RGL1: variants seen among roughly 807,000 people sequenced by gnomAD.
The protein encoded by RGL1 is ral guanine nucleotide dissociation stimulator like 1.
RGL1 carries 24 observed loss-of-function variants against 95.2 expected under a neutral mutation model. That is an observed-to-expected ratio of 0.25 (90% confidence interval 0.18 to 0.35). RGL1 has a LOEUF of 0.35. RGL1 is among the 10% of genes least tolerant of loss of function. The pLI, the probability that RGL1 is intolerant of heterozygous loss-of-function variation, is 1.00. For missense variants in RGL1, 715 were observed against 936.3 expected (o/e 0.76, Z 3.08); for synonymous variants, 329 against 344.9 (o/e 0.95, Z 0.51).
chr1:183,765,461 A>C (rs1168633923), intron 2 of RGL1, among the ~76,000 whole-genome samples: 1 of 152,238 alleles, frequency 6.6e-6, no homozygotes, highest in Non-Finnish European at 1.5e-5. Flanking sequence ...AAAGAAAAAA[A>C]TTCTGAAGAC....
chr1:183,864,750 G>A (rs1449825216), intron 3 of RGL1, among the ~76,000 whole-genome samples: 1 of 152,218 alleles, frequency 6.6e-6, no homozygotes, highest in East Asian at 1.9e-4. Flanking sequence ...AAATCCATAA[G>A]GCTGATGAGC....
Position 183,922,306 on chromosome 1 carries a change from GA to G in RGL1, c.2090del (p.Glu697GlyfsTer13). 1 of 1,614,040 alleles carries G rather than the reference GA, an allele frequency of 6.2e-7. No homozygotes were observed. The highest frequency in any genetic ancestry group is 8.5e-7 in the Non-Finnish European group (1 of 1,179,966). ...NLDSDPAEEY[E>X]LVQVISEDKE... Reference sequence around the variant, plus strand: ...GGACTCAGACCCCGCCGAGGAGTACGAGCTGGTGCAGGTCATCTCGGAGGAC... The same window carrying G: ...GGACTCAGACCCCGCCGAGGAGTACGGCTGGTGCAGGTCATCTCGGAGGAC... On this transcript the variant is annotated frameshift_variant, in exon 17 of 18. Coordinates refer to ENST00000360851, the MANE Select transcript of RGL1 (RefSeq NM_001297671.3). LOFTEE classifies it high-confidence loss of function.
intron 1 of RGL1, among the ~76,000 whole-genome samples, chr1:183,642,263 C>A (rs1410237024): frequency 1.3e-5 from 2 of 152,168 alleles, no homozygotes; most frequent in Admixed American, 6.5e-5. Flanking sequence ...GTAAATAAAC[C>A]CTTTACTTGC....
intron 17 of RGL1, among the ~76,000 whole-genome samples, chr1:183,924,471 T>C (rs2102765714): frequency 6.6e-6 from 1 of 151,780 alleles, no homozygotes; most frequent in South Asian, 2.1e-4. Context: ...CCGGGGCCTG[T>C]TGGGGGGTGG....
At chr1:183,803,783 G>A (rs1661118132), upstream of RGL1, among the ~76,000 whole-genome samples, 1 of 152,188 alleles carries the variant, frequency 6.6e-6, no homozygotes, top group Non-Finnish European at 1.5e-5. Context: ...GTGGGCCTGG[G>A]TTCCTGAGGA....
At chr1:183,760,002 G>A (rs574813835) in intron 2 of RGL1, among the ~76,000 whole-genome samples, 14 of 152,010 alleles carry the variant, frequency 9.2e-5, no homozygotes, top group Non-Finnish European at 1.5e-4. Context: ...CACATACCTC[G>A]TGGATACCTG....
intron 4 of RGL1, among the ~76,000 whole-genome samples, chr1:183,871,156 T>A (rs1248938838): frequency 6.6e-6 from 1 of 152,348 alleles, no homozygotes; most frequent in Non-Finnish European, 1.5e-5. Context: ...TAGTGGACTT[T>A]TGAGAGTACG....
intron 1 of RGL1, among the ~76,000 whole-genome samples, chr1:183,689,515 A>G (rs1050500007): frequency 1.3e-5 from 2 of 152,172 alleles, no homozygotes; most frequent in South Asian, 4.1e-4. Context: ...TTCTAGATAG[A>G]TAGTTGCTCC....
chr1:183,723,034 T>C (rs1656101802), intron 1 of RGL1, among the ~76,000 whole-genome samples: 1 of 152,050 alleles, frequency 6.6e-6, no homozygotes, highest in South Asian at 2.1e-4. Context: ...ATGACAACAA[T>C]AGCACAAAGG....
chr1:183,699,099 A>G (rs1258568467), intron 1 of RGL1, among the ~76,000 whole-genome samples: 1 of 152,250 alleles, frequency 6.6e-6, no homozygotes, highest in Non-Finnish European at 1.5e-5. Context: ...GAGCTGTGAT[A>G]TCTGACAATG....
At chr1:183,776,769 A>G (rs1234171279) in intron 2 of RGL1, among the ~76,000 whole-genome samples, 1 of 152,216 alleles carries the variant, frequency 6.6e-6, no homozygotes, top group Non-Finnish European at 1.5e-5. Flanking sequence ...CGAAGAGGGC[A>G]GGGGTCTGAT....
chr1:183,664,579 T>C (rs1292619831), intron 1 of RGL1, among the ~76,000 whole-genome samples: 2 of 152,064 alleles, frequency 1.3e-5, no homozygotes, highest in East Asian at 3.8e-4. Context: ...CATACTTTTT[T>C]TTTTTTTTAA....
At chr1:183,723,796 G>A (rs1656156046) in intron 1 of RGL1, among the ~76,000 whole-genome samples, 1 of 152,156 alleles carries the variant, frequency 6.6e-6, no homozygotes, top group Non-Finnish European at 1.5e-5. Flanking sequence ...GGATTTTGAG[G>A]GCATGCAACC....
At chr1:183,771,000 G>A (rs576564120) in intron 2 of RGL1, among the ~76,000 whole-genome samples, 3 of 152,298 alleles carry the variant, frequency 2.0e-5, no homozygotes, top group African/African-American at 7.2e-5. Context: ...CTTCTCAGAG[G>A]AAGTGTTCCT....
At chr1:183,757,056 C>T (rs1169268046) in intron 2 of RGL1, among the ~76,000 whole-genome samples, 6 of 147,590 alleles carry the variant, frequency 4.1e-5, no homozygotes, top group Non-Finnish European at 7.4e-5. Context: ...TGAATTTGCA[C>T]GGAGTCATCC....
intron 1 of RGL1, among the ~76,000 whole-genome samples, chr1:183,737,652 A>G (rs564442979): frequency 6.6e-6 from 1 of 151,798 alleles, no homozygotes; most frequent in South Asian, 2.1e-4. Context: ...AAGCAAGCAC[A>G]TCTTTCTTCC....
intron 2 of RGL1, among the ~76,000 whole-genome samples, chr1:183,761,744 TATA>T (rs1658675623): frequency 6.6e-6 from 1 of 152,374 alleles, no homozygotes; most frequent in East Asian, 1.9e-4. Context: ...CTTCTTCCAA[TATA>T]AGACTATTTT....
Position 183,665,519 on chromosome 1 carries a change from A to G in RGL1, c.-33+29018A>G, listed in dbSNP as rs559003447. 2.0e-5 allele frequency among the ~76,000 whole-genome samples: 3 copies of G among 152,262 alleles called. No individual in the cohort carries two copies. The South Asian group carries it at 6.2e-4, about 32-fold the overall frequency. On this transcript the variant is annotated intron_variant, in intron 1 of 18. Coordinates refer to the RGL1 transcript ENST00000304685. ...AGTGAACCTATCTGTGCCTGGTGCTATATGTTTTGGAATGTTGTTAATTGT... is the reference window on the plus strand; with the variant it reads ...AGTGAACCTATCTGTGCCTGGTGCTGTATGTTTTGGAATGTTGTTAATTGT...
chr1:183,810,331 T>A (rs961288163), intron 2 of RGL1, among the ~76,000 whole-genome samples: 1 of 152,180 alleles, frequency 6.6e-6, no homozygotes, highest in Admixed American at 6.5e-5. Context: ...TTCTGCAAAA[T>A]TTGTGGGCAG....
Sources: allele counts gnomAD v4.1 joint callset (sites outside exome capture counted in the v4.1 genomes callset), GRCh38; gene constraint gnomAD v4.1.1; transcripts MANE v1.5; gene names NCBI Gene and HGNC (gene_info 2026-07-23, HGNC 2026-07-21).